Variants in TNIP3 observed in about 807,000 individuals in gnomAD.
TNIP3 encodes the protein TNFAIP3 interacting protein 3.
In TNIP3, 34 loss-of-function variants were observed where a neutral mutation model predicts 54.1. The ratio of observed to expected loss-of-function variants is 0.63; its 90% CI spans 0.48 to 0.84. TNIP3 has a LOEUF of 0.84. Among genes scored for constraint, TNIP3 ranks in the 40% least tolerant of loss-of-function variants. The pLI, the probability that TNIP3 is intolerant of heterozygous loss-of-function variation, is 0.00. For missense variants in TNIP3, 366 were observed against 387.6 expected, an observed-to-expected ratio of 0.94 and a Z score of 0.47; for synonymous variants, 134 against 136.8, an observed-to-expected ratio of 0.98 and a Z score of 0.14.
At chr4:121,143,444 G>T (rs1017748989) in intron 7 of TNIP3, among the ~76,000 whole-genome samples, 5 of 152,134 alleles carry the variant, frequency 3.3e-5, no homozygotes, top group African/African-American at 1.2e-4. Context: ...ATTCCCATAA[G>T]GGATGGTCAA....
intron 2 of TNIP3, among the ~76,000 whole-genome samples, chr4:121,205,505 C>T (rs1460488222): frequency 3.3e-5 from 5 of 152,124 alleles, no homozygotes; most frequent in Admixed American, 6.5e-5. Context: ...TATGATGTGA[C>T]ATAGTTTGGA....
chr4:121,183,232 A>G (rs1458573800), intron 2 of TNIP3, among the ~76,000 whole-genome samples: 2 of 152,250 alleles, frequency 1.3e-5, no homozygotes, highest in African/African-American at 4.8e-5. Flanking sequence ...GGCAGGGCCA[A>G]GATCAAACTC....
intron 2 of TNIP3, 73 bp downstream of exon 2, chr4:121,161,063 A>T: frequency 8.5e-7 from 1 of 1,177,400 alleles, no homozygotes; most frequent in Non-Finnish European, 1.2e-6. Context: ...TAAAAGGCAC[A>T]AGGATAATAC....
At chr4:121,155,757 A>G (rs962169280) in intron 4 of TNIP3, among the ~76,000 whole-genome samples, 2 of 152,232 alleles carry the variant, frequency 1.3e-5, no homozygotes, top group Non-Finnish European at 2.9e-5. Flanking sequence ...AATATTGCAG[A>G]AAATAGGTAA....
At chr4:121,144,082 G>A (rs1178082668) in intron 7 of TNIP3, among the ~76,000 whole-genome samples, 1 of 152,212 alleles carries the variant, frequency 6.6e-6, no homozygotes, top group Non-Finnish European at 1.5e-5. Context: ...ATTTGGGGAT[G>A]ACAAATGCAT....
chr4:121,159,586 A>C lies in TNIP3; in HGVS notation c.148-834T>G, dbSNP rs375167841. Among the ~76,000 whole-genome samples, 44 of 152,376 alleles carry C rather than the reference A, an allele frequency of 2.9e-4. 1 individual carries two copies. In the South Asian group the frequency reaches 9.1e-3, roughly 32 times the overall value. Reference sequence around the variant, plus strand: ...ATTAACTGATCACGATTTTCTTGCAATAATGTGTTTTAAAAGATTAACACA... The same window carrying C: ...ATTAACTGATCACGATTTTCTTGCACTAATGTGTTTTAAAAGATTAACACA... On this transcript the variant is annotated intron_variant, in intron 2 of 10. Coordinates refer to ENST00000057513, the MANE Select transcript of TNIP3 (RefSeq NM_024873.6).
At chr4:121,226,285 G>A (rs1727253769) in intron 1 of TNIP3, among the ~76,000 whole-genome samples, 1 of 152,060 alleles carries the variant, frequency 6.6e-6, no homozygotes. Flanking sequence ...GAGAGACAGA[G>A]TGAAAAGGAA....
intron 10 of TNIP3, among the ~76,000 whole-genome samples, chr4:121,134,031 C>A (rs1313471783): frequency 6.6e-6 from 1 of 152,102 alleles, no homozygotes; most frequent in East Asian, 1.9e-4. Flanking sequence ...TTAAGCCACC[C>A]AGCTTGTGGT....
chr4:121,172,918 A>C (rs1299617601), intron 3 of TNIP3, among the ~76,000 whole-genome samples: 1 of 152,222 alleles, frequency 6.6e-6, no homozygotes, highest in African/African-American at 2.4e-5. Flanking sequence ...ACTATTTTGT[A>C]CTAAGGAGCT....
At chr4:121,183,445 TA>T (rs1445459684) in intron 2 of TNIP3, among the ~76,000 whole-genome samples, 2 of 152,258 alleles carry the variant, frequency 1.3e-5, no homozygotes, top group African/African-American at 2.4e-5. Flanking sequence ...CATTAGCTGA[TA>T]ATGCCAAAAT....
intron 5 of TNIP3, 43 bp downstream of exon 5, chr4:121,154,508 G>A (rs1729959174): frequency 3.1e-6 from 5 of 1,609,612 alleles, no homozygotes; most frequent in Non-Finnish European, 4.2e-6. Flanking sequence ...GTTTTATGCA[G>A]GGACTTCTCA....
intron 6 of TNIP3, among the ~76,000 whole-genome samples, chr4:121,149,322 AC>A (rs1729605741): frequency 6.6e-6 from 1 of 152,288 alleles, no homozygotes; most frequent in South Asian, 2.1e-4. Context: ...TAGCTGAGAA[AC>A]CTGGTTTCAG....
chr4:121,181,624 G>GGT (rs3028475), intron 3 of TNIP3, among the ~76,000 whole-genome samples: 3,418 of 148,202 alleles, frequency 0.023, 58 homozygotes, highest in East Asian at 0.099. Context: ...TAATAAGACA[G>GGT]GTGTGTGTGT....
intron 2 of TNIP3, among the ~76,000 whole-genome samples, chr4:121,184,988 A>T (rs17051309): frequency 6.6e-6 from 1 of 152,186 alleles, no homozygotes; most frequent in African/African-American, 2.4e-5. Flanking sequence ...TCTAAATGTT[A>T]AGCTCTTGAG....
intron 7 of TNIP3, among the ~76,000 whole-genome samples, chr4:121,145,936 C>T (rs1356945269): frequency 6.6e-6 from 1 of 150,912 alleles, no homozygotes; most frequent in Non-Finnish European, 1.5e-5. Context: ...GAGATCATGC[C>T]ATTGCACTCC....
At chr4:121,197,837 CAA>C (rs1048950341) in intron 2 of TNIP3, among the ~76,000 whole-genome samples, 19 of 152,250 alleles carry the variant, frequency 1.2e-4, no homozygotes, top group South Asian at 6.2e-4. Flanking sequence ...ATAAGAAAGT[CAA>C]AGTCCTTATC....
In TNIP3 at chr4:121,147,141, G is replaced by T; in HGVS notation, c.643C>A (p.Arg215=). Residue 215 remains arginine (R), a synonymous_variant, in exon 7 of 11, where the codon CGA becomes AGA. Coordinates refer to ENST00000057513, the MANE Select transcript of TNIP3 (RefSeq NM_024873.6). ...QIYEEDFKKE[R]SDRERLNQEK... is the part of the protein sequence containing the mutation. ...TGATTAAGTCTCTCTCGATCCGATCGTTCCTTTTTGAAGTCTTCTTCGTAT... is the reference window on the plus strand; with the variant it reads ...TGATTAAGTCTCTCTCGATCCGATCTTTCCTTTTTGAAGTCTTCTTCGTAT... 6.2e-7 allele frequency: 1 copy of T among 1,612,044 alleles called. No individual in the cohort carries two copies. The highest frequency in any genetic ancestry group is 8.5e-7 in the Non-Finnish European group (1 of 1,179,118).
chr4:121,174,397 C>G lies in TNIP3; in HGVS notation c.189+8279G>C, dbSNP rs550742085. On this transcript the variant is annotated intron_variant, in intron 3 of 12. Transcript: ENST00000507879. Reference sequence around the variant, plus strand: ...TCCAGCCTGAGTGACAGAGCGAGACCCTGTCTCTAAAATAATAATAATAAT... The same window carrying G: ...TCCAGCCTGAGTGACAGAGCGAGACGCTGTCTCTAAAATAATAATAATAAT... Among the ~76,000 whole-genome samples the G allele has an allele frequency of 2.6e-5, 4 of 151,496 alleles. No homozygotes were observed. In the South Asian group the frequency reaches 8.4e-4, roughly 32 times the overall value.
In TNIP3 at chr4:121,164,263, A is replaced by G; in HGVS notation, c.-138T>C. 6.8e-7 allele frequency: 1 copy of G among 1,470,066 alleles called. No homozygotes were observed. Among genetic ancestry groups the G allele is most frequent in the Non-Finnish European group, 9.0e-7 (1 of 1,114,080 alleles). The allele number at this position is 1,470,066 out of a possible 1,614,324, so 91.1% of individuals were successfully genotyped here. A position where few individuals can be genotyped will look rare whatever the true frequency, so the allele number is the denominator to read the frequency against. On this transcript the variant is annotated 5_prime_UTR_variant, in exon 1 of 11. Transcript: ENST00000057513. ...CCGTTAACTCATAATAGAAAATAAC[A>G]GCAATAGGTTTTCATTAAAAATGAA...
Sources: gnomAD v4.1 joint callset for allele counts (sites outside exome capture counted in the v4.1 genomes callset) on GRCh38, gnomAD v4.1.1 for gene constraint, MANE v1.5 for transcripts, NCBI Gene and HGNC (gene_info 2026-07-23, HGNC 2026-07-21) for gene names.